Variants in RAD51B observed in about 807,000 individuals in gnomAD.
RAD51B encodes the protein DNA repair protein RAD51 homolog 2.
A neutral mutation model predicts 42.2 loss-of-function variants in RAD51B; 38 were observed. That is an observed-to-expected ratio of 0.90 (90% CI 0.70 to 1.18). The LOEUF is 1.18. Ranked by LOEUF, RAD51B falls within the 50% of genes most tolerant of loss-of-function variation. The probability of loss-of-function intolerance (pLI) is 0.00; values close to 1 mark genes in which losing one functional copy is unlikely to be tolerated. For synonymous variants in RAD51B, 154 were observed against 145.2 expected, an observed-to-expected ratio of 1.06 and a Z score of -0.43; for missense variants, 373 against 400.7, an observed-to-expected ratio of 0.93 and a Z score of 0.59.
At chr14:68,055,444 T>C (rs2076459107) in intron 7 of RAD51B, among the ~76,000 whole-genome samples, 1 of 152,184 alleles carries the variant, frequency 6.6e-6, no homozygotes, top group South Asian at 2.1e-4. Context: ...ATGTCATATG[T>C]AAATCAGTAA....
chr14:67,878,514 G>A (rs1265464812), intron 5 of RAD51B, among the ~76,000 whole-genome samples: 2 of 151,620 alleles, frequency 1.3e-5, no homozygotes, highest in South Asian at 2.1e-4. Context: ...GATTTCTTTG[G>A]TGGTTGATCT....
At chr14:67,839,381 C>G (rs2041351836) in intron 4 of RAD51B, among the ~76,000 whole-genome samples, 1 of 151,880 alleles carries the variant, frequency 6.6e-6, no homozygotes, top group African/African-American at 2.4e-5. Context: ...CTCAGATTTT[C>G]TATTTCTTCT....
intron 10 of RAD51B, among the ~76,000 whole-genome samples, chr14:68,509,506 G>A (rs1447243268): frequency 6.6e-6 from 1 of 152,224 alleles, no homozygotes; most frequent in African/African-American, 2.4e-5. Flanking sequence ...ATGGTTGTGG[G>A]CATTCCTTCT....
intron 9 of RAD51B, among the ~76,000 whole-genome samples, chr14:68,461,084 A>G (rs1436311351): frequency 1.3e-5 from 2 of 152,098 alleles, no homozygotes; most frequent in African/African-American, 4.8e-5. Context: ...AGGTAACATT[A>G]ACCATAAAAC....
At chr14:68,483,452 T>C (rs887077603) in intron 10 of RAD51B, among the ~76,000 whole-genome samples, 9 of 152,192 alleles carry the variant, frequency 5.9e-5, no homozygotes, top group Non-Finnish European at 1.3e-4. Context: ...ACTTTTCCCC[T>C]AGAGCTTTCA....
At chr14:67,860,251 T>C (rs556904357) in intron 4 of RAD51B, among the ~76,000 whole-genome samples, 1 of 152,364 alleles carries the variant, frequency 6.6e-6, no homozygotes, top group South Asian at 2.1e-4. Flanking sequence ...CAGATGTTTC[T>C]AACAAGGCTC....
intron 10 of RAD51B, among the ~76,000 whole-genome samples, chr14:68,512,198 C>T (rs1325179329): frequency 6.6e-6 from 1 of 152,212 alleles, no homozygotes; most frequent in African/African-American, 2.4e-5. Flanking sequence ...GACCCCCACT[C>T]CCAACAGCCA....
rs1339814071 is a variant in RAD51B, at chr14:67,901,236, G to A, written c.756+14032G>A. On this transcript the variant is annotated intron_variant, in intron 7 of 10. Transcript: ENST00000471583. ...AGTTATTACCCGTGAGTGCCTAAGCGAAAGCCACAGGGGTACTAAAACCAC... is the reference window on the plus strand; with the variant it reads ...AGTTATTACCCGTGAGTGCCTAAGCAAAAGCCACAGGGGTACTAAAACCAC... Among the ~76,000 whole-genome samples the A allele has an allele frequency of 3.3e-5, 5 of 152,274 alleles. No homozygotes were observed. The East Asian group carries it at 5.8e-4, about 18-fold the overall frequency.
chr14:68,325,332 T>C (rs1271120079), intron 8 of RAD51B, among the ~76,000 whole-genome samples: 1 of 152,210 alleles, frequency 6.6e-6, no homozygotes, highest in African/African-American at 2.4e-5. Context: ...TAGGTACCCA[T>C]TATCAGAAGT....
intron 11 of RAD51B, among the ~76,000 whole-genome samples, chr14:68,653,426 G>T (rs10483818): frequency 6.6e-6 from 1 of 152,158 alleles, no homozygotes; most frequent in Non-Finnish European, 1.5e-5. Context: ...AGACCTAGCC[G>T]TGGATATACA....
chr14:67,934,210 C>A (rs187445122), intron 7 of RAD51B, among the ~76,000 whole-genome samples: 1 of 152,186 alleles, frequency 6.6e-6, no homozygotes, highest in African/African-American at 2.4e-5. Context: ...GTGAATACTC[C>A]ATTGCTCACT....
intron 10 of RAD51B, among the ~76,000 whole-genome samples, chr14:68,572,616 C>T (rs973747744): frequency 1.3e-5 from 2 of 152,166 alleles, no homozygotes; most frequent in African/African-American, 2.4e-5. Context: ...GGTGCCCCCA[C>T]GGCTCACCTG....
intron 5 of RAD51B, among the ~76,000 whole-genome samples, chr14:67,873,200 G>A (rs1321215167): frequency 6.6e-6 from 1 of 151,946 alleles, no homozygotes; most frequent in Non-Finnish European, 1.5e-5. Context: ...TCTGACAAAG[G>A]GCTAATATCC....
At chr14:67,965,705 A>T (rs1771826219) in intron 7 of RAD51B, among the ~76,000 whole-genome samples, 1 of 152,040 alleles carries the variant, frequency 6.6e-6, no homozygotes, top group South Asian at 2.1e-4. Flanking sequence ...AAGCTTCCTC[A>T]TAATTCCCTG....
chr14:68,462,779 TG>T (rs1371524594), intron 9 of RAD51B, among the ~76,000 whole-genome samples: 2 of 152,200 alleles, frequency 1.3e-5, no homozygotes, highest in Non-Finnish European at 2.9e-5. Flanking sequence ...CAAGCTGGTC[TG>T]ATATGAAGGA....
intron 7 of RAD51B, among the ~76,000 whole-genome samples, chr14:68,274,972 C>G (rs1377127566): frequency 1.3e-5 from 2 of 152,224 alleles, no homozygotes; most frequent in African/African-American, 4.8e-5. Context: ...TAATGTCTGA[C>G]TATATCACCT....
At chr14:68,267,156 A>G (rs895151772) in intron 7 of RAD51B, among the ~76,000 whole-genome samples, 21 of 152,138 alleles carry the variant, frequency 1.4e-4, no homozygotes, top group African/African-American at 7.2e-5. Flanking sequence ...GGGGAAGAGT[A>G]TTGTGCTTTC....
chr14:68,649,156 T>C (rs1892647753), intron 10 of RAD51B, among the ~76,000 whole-genome samples: 1 of 152,204 alleles, frequency 6.6e-6, no homozygotes, highest in Non-Finnish European at 1.5e-5. Flanking sequence ...TTAAGATGGA[T>C]TGAGCTCCCA....
At chr14:68,122,328 C>G (rs1246586697) in intron 7 of RAD51B, among the ~76,000 whole-genome samples, 1 of 152,010 alleles carries the variant, frequency 6.6e-6, no homozygotes, top group Non-Finnish European at 1.5e-5. Flanking sequence ...ACATGTATCA[C>G]AAACCAAGAC....
Sources: allele counts gnomAD v4.1 joint callset (sites outside exome capture counted in the v4.1 genomes callset), GRCh38; gene constraint gnomAD v4.1.1; transcripts MANE v1.5; gene names NCBI Gene and HGNC (gene_info 2026-07-23, HGNC 2026-07-21).